Variants in EPB41L3 observed in about 807,000 individuals in gnomAD.
The protein encoded by EPB41L3 is erythrocyte membrane protein band 4.1 like 3.
In EPB41L3, 57 loss-of-function variants were observed where a neutral mutation model predicts 127.1. That is an observed-to-expected ratio of 0.45 (90% confidence interval 0.36 to 0.56). The LOEUF (loss-of-function observed/expected upper bound fraction) is 0.56. Ranked by LOEUF, EPB41L3 falls within the 20% of genes least tolerant of loss-of-function variation. EPB41L3 has a pLI of 0.00. For missense variants in EPB41L3, 1,273 were observed against 1,372.2 expected (o/e 0.93, Z 1.14); for synonymous variants, 572 against 549.5 (o/e 1.04, Z -0.57).
chr18:5,412,272 AC>A (rs199867924), intron 13 of EPB41L3, among the ~76,000 whole-genome samples: 1,595 of 152,168 alleles, frequency 0.01, 27 homozygotes, highest in African/African-American at 0.035. Flanking sequence ...ATCTTGGCTC[AC>A]TGCAACCTCC....
intron 3 of EPB41L3, among the ~76,000 whole-genome samples, chr18:5,469,370 C>T (rs2085641904): frequency 6.6e-6 from 1 of 152,158 alleles, no homozygotes; most frequent in Non-Finnish European, 1.5e-5. Context: ...CCAGTGCATC[C>T]GATCCAGCCG....
intron 1 of EPB41L3, among the ~76,000 whole-genome samples, chr18:5,541,245 T>A (rs1598834508): frequency 1.3e-5 from 1 of 76,328 alleles, no homozygotes; most frequent in South Asian, 5.4e-4. Context: ...ACAGAAGGAC[T>A]CCATCTCAAA....
intron 3 of EPB41L3, among the ~76,000 whole-genome samples, chr18:5,594,332 C>T (rs561197255): frequency 6.6e-6 from 1 of 152,260 alleles, no homozygotes; most frequent in South Asian, 2.1e-4. Context: ...TATCTGTTAC[C>T]CACCATTGGT....
intron 3 of EPB41L3, 32 bp from the exon 4 acceptor site, chr18:5,445,276 T>C (rs575979133): frequency 1.3e-6 from 2 of 1,529,184 alleles, no homozygotes; most frequent in South Asian, 2.3e-5. Context: ...AGCAAGTCAA[T>C]ACAACACAAA....
chr18:5,410,341 C>G (rs1368853342), intron 14 of EPB41L3, among the ~76,000 whole-genome samples: 2 of 152,154 alleles, frequency 1.3e-5, no homozygotes, highest in Admixed American at 6.5e-5. Flanking sequence ...ACCCCCAGCT[C>G]TTCTGAATGA....
chr18:5,533,796 A>G (rs111708832), intron 1 of EPB41L3, among the ~76,000 whole-genome samples: 1,708 of 152,254 alleles, frequency 0.011, 28 homozygotes, highest in African/African-American at 0.038. Flanking sequence ...AAGAAAACTA[A>G]CCTTTTATCC....
chr18:5,508,662 G>A (rs1259427356), intron 1 of EPB41L3, among the ~76,000 whole-genome samples: 1 of 151,160 alleles, frequency 6.6e-6, no homozygotes, highest in Non-Finnish European at 1.5e-5. Flanking sequence ...AGCTACTCAG[G>A]AGGCTGAGGC....
At chr18:5,407,847 G>A (rs1165170860) in intron 14 of EPB41L3, 111 bp from the exon 15 acceptor site, 5 of 862,686 alleles carry the variant, frequency 5.8e-6, no homozygotes, top group Non-Finnish European at 9.7e-6. Flanking sequence ...GTACGCTCTT[G>A]CATATGGATG....
intron 1 of EPB41L3, among the ~76,000 whole-genome samples, chr18:5,616,682 T>C (rs1435808736): frequency 6.6e-6 from 1 of 152,176 alleles, no homozygotes; most frequent in Non-Finnish European, 1.5e-5. Flanking sequence ...CCTGCCTTCC[T>C]ACACATTTTT....
chr18:5,423,229 CTTAA>C lies in EPB41L3; in HGVS notation c.1339+145_1339+148del, dbSNP rs1568098091. ...GGGACTTTCATTTCGCTGGGGGAGA[CTTAA>C]AAATGTGCCATTCAGTCAATAAGCA... On this transcript the variant is annotated intron_variant, in intron 11 of 22. Transcript: ENST00000341928. The C allele has an allele frequency of 5.3e-6, 4 of 761,218 alleles. No homozygotes were observed. In the African/African-American group the frequency reaches 5.4e-5, roughly 10 times the overall value. 47.2% of individuals were successfully genotyped at this position (761,218 alleles called of 1,614,324 possible). A position where few individuals can be genotyped will look rare whatever the true frequency, so the allele number is the denominator to read the frequency against.
chr18:5,397,368 A>G lies in EPB41L3; in HGVS notation c.2531T>C (p.Leu844Pro), dbSNP rs1033282821. 6.2e-7 allele frequency: 1 copy of G among 1,613,042 alleles called. No homozygotes were observed. The highest frequency in any genetic ancestry group is 1.8e-4 in the Middle Eastern group (1 of 5,626). ...GIETEPTVHH[L>P]PLSTEKVVQE... Reference sequence around the variant, plus strand: ...CACCACCTTCTCAGTGCTAAGCGGCAGGTGGTGCACGGTGGGTTCCGTCTC... The same window carrying G: ...CACCACCTTCTCAGTGCTAAGCGGCGGGTGGTGCACGGTGGGTTCCGTCTC... Residue 844 changes from leucine to proline, a missense_variant, in exon 18 of 23, where the codon CTG becomes CCG. Physicochemically the swap from Leu to Pro is moderately conservative, Grantham distance 98. Transcript: ENST00000341928. This position sits in a 1 kb window ranked among gnomAD's most constrained non-coding sequence, Gnocchi z 4.1.
chr18:5,482,347 C>T (rs942900902), intron 2 of EPB41L3, among the ~76,000 whole-genome samples: 4 of 152,102 alleles, frequency 2.6e-5, no homozygotes, highest in Non-Finnish European at 4.4e-5. Flanking sequence ...GAACAGAGTG[C>T]ATACAAGGTA....
At chr18:5,457,457 A>T (rs1314291221) in intron 3 of EPB41L3, among the ~76,000 whole-genome samples, 2 of 151,978 alleles carry the variant, frequency 1.3e-5, no homozygotes, top group Non-Finnish European at 2.9e-5. Flanking sequence ...CTCGGATGGC[A>T]CAGTAGGCAG....
chr18:5,425,133 TAAA>T (rs1246132807), intron 9 of EPB41L3, among the ~76,000 whole-genome samples: 5 of 152,106 alleles, frequency 3.3e-5, no homozygotes, highest in Admixed American at 6.5e-5. Context: ...TCTTAAACAG[TAAA>T]GGCTTCCCCA....
intron 3 of EPB41L3, among the ~76,000 whole-genome samples, chr18:5,596,277 C>T (rs2094536357): frequency 6.6e-6 from 1 of 152,236 alleles, no homozygotes; most frequent in East Asian, 1.9e-4. Context: ...GTCTATGCTT[C>T]TGTAGGTCCT....
chr18:5,419,706 T>C lies in EPB41L3; in HGVS notation c.1506+5A>G, dbSNP rs764887708. On this transcript the variant is annotated splice_donor_5th_base_variant and intron_variant, in intron 12 of 22. Coordinates refer to ENST00000341928, the MANE Select transcript of EPB41L3 (RefSeq NM_012307.5). Reference sequence around the variant, plus strand: ...AAGCTCTTGCAGGCAGTCTGGGAGCTATACCTTTCCCTCGTGCCGGATGGC... The same window carrying C: ...AAGCTCTTGCAGGCAGTCTGGGAGCCATACCTTTCCCTCGTGCCGGATGGC... 1 of 1,613,786 alleles carries C rather than the reference T, an allele frequency of 6.2e-7. No individual in the cohort carries two copies. Among genetic ancestry groups the C allele is most frequent in the East Asian group, 2.2e-5 (1 of 44,878 alleles).
chr18:5,433,177 G>T (rs927214377), intron 8 of EPB41L3, among the ~76,000 whole-genome samples: 3 of 152,182 alleles, frequency 2.0e-5, no homozygotes, highest in African/African-American at 7.2e-5. Flanking sequence ...GTTATGTCAA[G>T]GTAGGTTTCT....
intron 3 of EPB41L3, among the ~76,000 whole-genome samples, chr18:5,610,523 A>G (rs2094713743): frequency 6.6e-6 from 1 of 152,222 alleles, no homozygotes; most frequent in South Asian, 2.1e-4. Flanking sequence ...AACAGGAAAG[A>G]TTTGTATAAA....
chr18:5,561,773 T>C (rs2094138562), intron 3 of EPB41L3, among the ~76,000 whole-genome samples: 1 of 152,164 alleles, frequency 6.6e-6, no homozygotes, highest in African/African-American at 2.4e-5. Flanking sequence ...AGAAAGCCAG[T>C]AGACGCCACC....
Sources: gnomAD v4.1 joint callset for allele counts (sites outside exome capture counted in the v4.1 genomes callset) on GRCh38, gnomAD v4.1.1 for gene constraint, Gnocchi (gnomAD v3.1) non-coding constraint, MANE v1.5 for transcripts, NCBI Gene and HGNC (gene_info 2026-07-23, HGNC 2026-07-21) for gene names.